Variants in MEGF10 observed in about 807,000 individuals in gnomAD.
MEGF10 encodes multiple epidermal growth factor-like domains protein 10.
A neutral mutation model predicts 147.5 loss-of-function variants in MEGF10; 86 were observed. The ratio of observed to expected loss-of-function variants is 0.58; its 90% confidence interval spans 0.49 to 0.70. The LOEUF (loss-of-function observed/expected upper bound fraction) is 0.70. Ranked by LOEUF, MEGF10 falls within the 30% of genes least tolerant of loss-of-function variation. The pLI is 0.00. For synonymous variants in MEGF10, 478 were observed against 525.5 expected (o/e 0.91, Z 1.24); for missense variants, 1,329 against 1,487.3 (o/e 0.89, Z 1.75).
the MEGF10 span, among the ~76,000 whole-genome samples, chr5:127,258,949 T>C: frequency 3.3e-5 from 5 of 152,300 alleles, no homozygotes; most frequent in African/African-American, 1.2e-4. Flanking sequence ...TATATATCCA[T>C]CTTTTGATCA....
chr5:127,328,225 T>C (rs1167827139), intron 1 of MEGF10, among the ~76,000 whole-genome samples: 1 of 152,224 alleles, frequency 6.6e-6, no homozygotes, highest in African/African-American at 2.4e-5. Flanking sequence ...CCAGCTTATG[T>C]GAATTTGCAT....
chr5:127,314,000 G>A (rs1299114172), intron 1 of MEGF10, among the ~76,000 whole-genome samples: 1 of 152,214 alleles, frequency 6.6e-6, no homozygotes. Flanking sequence ...ATGCCTTGAA[G>A]ATGAAGTGGA....
chr5:127,403,209 C>T (rs1044234822), intron 8 of MEGF10, among the ~76,000 whole-genome samples: 1 of 152,172 alleles, frequency 6.6e-6, no homozygotes, highest in Admixed American at 6.5e-5. Context: ...GTCTTACTGC[C>T]GCTGTTTATC....
intron 13 of MEGF10, among the ~76,000 whole-genome samples, chr5:127,431,806 C>T (rs1765394380): frequency 6.6e-6 from 1 of 152,148 alleles, no homozygotes; most frequent in Non-Finnish European, 1.5e-5. Flanking sequence ...TTTGCAGCCT[C>T]ATTTTGAAGT....
At chr5:127,266,171 A>G in the MEGF10 span, among the ~76,000 whole-genome samples, 7,507 of 151,770 alleles carry the variant, frequency 0.049, 314 homozygotes, top group African/African-American at 0.11. Flanking sequence ...CATTTATTAA[A>G]TAGGGAATCC....
upstream of MEGF10, among the ~76,000 whole-genome samples, chr5:127,287,893 T>C (rs10900791): frequency 6.6e-4 from 101 of 152,098 alleles, no homozygotes; most frequent in Non-Finnish European, 1.1e-3. Context: ...GGCATAGGAA[T>C]AGAAATATAG....
chr5:127,367,453 A>G (rs1409114957), intron 4 of MEGF10, among the ~76,000 whole-genome samples: 4 of 152,200 alleles, frequency 2.6e-5, no homozygotes, highest in African/African-American at 9.6e-5. Flanking sequence ...CAAGATATAA[A>G]AACAATTTAA....
chr5:127,422,335 A>T (rs1561637639), intron 12 of MEGF10, among the ~76,000 whole-genome samples: 1 of 152,074 alleles, frequency 6.6e-6, no homozygotes, highest in Non-Finnish European at 1.5e-5. Context: ...AGCCTGACCA[A>T]CAAGGTGAAA....
chr5:127,394,421 GA>G lies in MEGF10; in HGVS notation c.413-2104del, dbSNP rs992400526. ...TTACTATATTGTGAAAAAGTCAGGAGAAAAAAAGGATTCAATGATAAGATAA... is the reference window on the plus strand; with the variant it reads ...TTACTATATTGTGAAAAAGTCAGGAGAAAAAAGGATTCAATGATAAGATAA... On this transcript the variant is annotated intron_variant, in intron 5 of 24. Transcript: ENST00000503335. Among the ~76,000 whole-genome samples, 4 of 152,060 alleles carry G rather than the reference GA, an allele frequency of 2.6e-5. No homozygotes were observed. The East Asian group carries it at 5.8e-4, about 22-fold the overall frequency.
At chr5:127,296,365 C>G (rs1759501092) in intron 1 of MEGF10, among the ~76,000 whole-genome samples, 1 of 152,078 alleles carries the variant, frequency 6.6e-6, no homozygotes, top group Non-Finnish European at 1.5e-5. Context: ...ATTTATACTC[C>G]TAGATAAAGA....
chr5:127,289,965 C>G (rs1424783571), upstream of MEGF10, among the ~76,000 whole-genome samples: 4 of 152,264 alleles, frequency 2.6e-5, no homozygotes, highest in East Asian at 7.7e-4. Context: ...AGCTGGAAAA[C>G]TCTTTAGTCT....
At chr5:127,274,360 A>G in the MEGF10 span, among the ~76,000 whole-genome samples, 1 of 152,212 alleles carries the variant, frequency 6.6e-6, no homozygotes, top group African/African-American at 2.4e-5. Context: ...ATTAGATAAT[A>G]CAATAGAGTT....
intron 22 of MEGF10, among the ~76,000 whole-genome samples, chr5:127,453,088 A>G (rs1214043569): frequency 6.6e-6 from 1 of 152,206 alleles, no homozygotes; most frequent in Non-Finnish European, 1.5e-5. Context: ...TGAGCTTAAC[A>G]TCTCTCTAAG....
the MEGF10 span, among the ~76,000 whole-genome samples, chr5:127,250,689 G>A: frequency 6.6e-6 from 1 of 151,602 alleles, no homozygotes; most frequent in Non-Finnish European, 1.5e-5. Flanking sequence ...GACCAAAAAA[G>A]AATAACATGA....
chr5:127,235,420 T>C, the MEGF10 span, among the ~76,000 whole-genome samples: 943 of 152,356 alleles, frequency 6.2e-3, 7 homozygotes, highest in Middle Eastern at 0.02. Flanking sequence ...TTTGTCCAGA[T>C]AGTGTACTGA....
rs147004162 is a variant in MEGF10, at chr5:127,316,093, C to T, written c.-18-15198C>T. The stretch of plus-strand genomic sequence containing the variant: ...AATGGAGATGCAACACTTCAGAAGA[C>T]GCTTTAGTGCAACAAAAGTCTGCCA... On this transcript the variant is annotated intron_variant, in intron 1 of 24. Transcript: ENST00000503335. Among the ~76,000 whole-genome samples the T allele has an allele frequency of 6.0e-4, 92 of 152,330 alleles. 2 individuals are homozygous for T. The highest frequency in any genetic ancestry group is 1.4e-3 in the Admixed American group (21 of 15,298).
chr5:127,398,039 G>A (rs1427927155), intron 6 of MEGF10, among the ~76,000 whole-genome samples: 6 of 151,116 alleles, frequency 4.0e-5, no homozygotes, highest in South Asian at 2.1e-4. Flanking sequence ...CACAGGGAGG[G>A]GAGCATCACA....
intron 1 of MEGF10, among the ~76,000 whole-genome samples, chr5:127,315,582 C>T (rs1196805509): frequency 1.3e-5 from 2 of 152,082 alleles, no homozygotes; most frequent in African/African-American, 2.4e-5. Flanking sequence ...TCAAGACCAG[C>T]ATGGGCAATA....
At chr5:127,372,836 A>G (rs1008051302) in intron 5 of MEGF10, among the ~76,000 whole-genome samples, 1 of 152,228 alleles carries the variant, frequency 6.6e-6, no homozygotes, top group Non-Finnish European at 1.5e-5. Context: ...TGGTTAAGGT[A>G]GTGTGCTAGG....
Sources: gnomAD v4.1 joint callset for allele counts (sites outside exome capture counted in the v4.1 genomes callset) on GRCh38, gnomAD v4.1.1 for gene constraint, MANE v1.5 for transcripts, NCBI Gene and HGNC (gene_info 2026-07-23, HGNC 2026-07-21) for gene names.